The following SAP130 variants were observed in gnomAD, a reference collection of about 807,000 sequenced individuals.
SAP130 encodes histone deacetylase complex subunit SAP130.
SAP130 carries 16 observed loss-of-function variants against 103.2 expected under a neutral mutation model. The observed-to-expected ratio is 0.16, with a 90% CI of 0.10 to 0.24. The LOEUF is 0.24. SAP130 is among the 10% of genes least tolerant of loss of function. The probability of loss-of-function intolerance (pLI) is 1.00; values close to 1 mark genes in which losing one functional copy is unlikely to be tolerated. For synonymous variants in SAP130, 477 were observed against 497.0 expected (o/e 0.96, Z 0.53); for missense variants, 990 against 1,359.7 (o/e 0.73, Z 4.28).
chr2:128,013,154 C>T lies in SAP130; in HGVS notation c.620G>A (p.Gly207Asp). The T allele has an allele frequency of 6.3e-7, 1 of 1,580,726 alleles. No individual in the cohort carries two copies. Among genetic ancestry groups the T allele is most frequent in the Non-Finnish European group, 8.6e-7 (1 of 1,169,122 alleles). Residue 207 changes from glycine (G) to aspartate (D), a missense_variant and splice_region_variant, in exon 6 of 21, where the codon GGT becomes GAT. This residue lies in a region of SAP130 where 336 missense variants were observed against 520.1 expected (regional missense o/e 0.65). Coordinates refer to ENST00000643581, the MANE Select transcript of SAP130 (RefSeq NM_001330301.2). ...GGACATCACAGCAGCAGCAGCTGCA[C>T]CTGAAAAAAAAAAAGTGTTTATTAT... Reference protein sequence around the residue: ...LHIGASHLPRGAAAAAVMSSS... With the variant: ...LHIGASHLPRDAAAAAVMSSS...
In SAP130 at chr2:127,950,266, T is replaced by C. The variant is rs768934992; in HGVS notation, c.2565A>G (p.Glu855=). The part of the protein sequence containing the change: ...PRKQQHVIST[E]EGDMMETNST... ...TGTTTGTCTCCATCATGTCACCTTC[T>C]TCTGTTGAGATCACATGCTGTTGCT... Residue 855 remains glutamate (E), a synonymous_variant, in exon 17 of 21, where the codon GAA becomes GAG. Coordinates refer to ENST00000643581, the MANE Select transcript of SAP130 (RefSeq NM_001330301.2). 6.2e-7 allele frequency: 1 copy of C among 1,614,210 alleles called. No individual in the cohort carries two copies. Among genetic ancestry groups the C allele is most frequent in the South Asian group, 1.1e-5 (1 of 91,084 alleles).
chr2:127,956,573 G>A (rs527576683), intron 15 of SAP130, among the ~76,000 whole-genome samples: 2 of 131,310 alleles, frequency 1.5e-5, no homozygotes, highest in South Asian at 2.9e-4. Context: ...GGGAGGGGGA[G>A]GGACAGCATT....
intron 15 of SAP130, among the ~76,000 whole-genome samples, chr2:127,969,790 T>C (rs1450850670): frequency 1.3e-5 from 2 of 152,182 alleles, no homozygotes; most frequent in African/African-American, 2.4e-5. Flanking sequence ...TAATTTCCCC[T>C]TTTTCTAAGA....
chr2:128,010,304 A>G lies in SAP130; in HGVS notation c.834T>C (p.Thr278=). The change falls in exon 7 of 21, where the codon ACT becomes ACC. Residue 278 remains threonine, a synonymous_variant. Transcript: ENST00000643581. The stretch of plus-strand genomic sequence containing the variant: ...AATCAGTAGCATGCGCCGCTGTCGT[A>G]GTGATGACTGGAGACTGAGCTCTGG... ...SATRAQSPVI[T]TTAAHATDSA... 1 of 1,614,026 alleles carries G rather than the reference A, an allele frequency of 6.2e-7. No homozygotes were observed. Among genetic ancestry groups the G allele is most frequent in the Non-Finnish European group, 8.5e-7 (1 of 1,179,990 alleles).
At position 127,942,421 on chromosome 2, in the gene SAP130, A is replaced by C. The variant is rs369636491; in HGVS notation, c.3015+3T>G. On this transcript the variant is annotated splice_donor_region_variant and intron_variant, in intron 20 of 20. Transcript: ENST00000643581. The surrounding 1 kb of genome is among the most constrained non-coding windows in gnomAD (Gnocchi z 4.8). ...GATCAGAAGGGAAGGGGCGCACTCAAACCTGTATCAGTTCGTTTATTCGGT... is the reference window on the plus strand; with the variant it reads ...GATCAGAAGGGAAGGGGCGCACTCACACCTGTATCAGTTCGTTTATTCGGT... The C allele has an allele frequency of 3.1e-4, 501 of 1,603,430 alleles. 2 individuals are homozygous for C. The highest frequency in any genetic ancestry group is 3.9e-4 in the Non-Finnish European group (452 of 1,170,294).
intron 16 of SAP130, among the ~76,000 whole-genome samples, chr2:127,954,310 A>C (rs1679685179): frequency 6.6e-6 from 1 of 152,224 alleles, no homozygotes; most frequent in African/African-American, 2.4e-5. Context: ...AGGACTTCTC[A>C]CTGAAATAGC....
At chr2:128,020,864 C>T (rs747540165) in intron 2 of SAP130, among the ~76,000 whole-genome samples, 10 of 151,982 alleles carry the variant, frequency 6.6e-5, no homozygotes, top group East Asian at 1.9e-4. Context: ...GGCATGATGG[C>T]GGTTGCCTGT....
At chr2:128,000,239 A>G in intron 8 of SAP130, 68 bp downstream of exon 8, 3 of 1,609,422 alleles carry the variant, frequency 1.9e-6, no homozygotes, top group South Asian at 1.1e-5. Flanking sequence ...CCAGGCCCTC[A>G]GCACATTTTG....
chr2:127,950,138 C>T, intron 17 of SAP130, 22 bp downstream of exon 17: 1 of 1,613,850 alleles, frequency 6.2e-7, no homozygotes, highest in Non-Finnish European at 8.5e-7. Flanking sequence ...CATCATAACA[C>T]AAGTCAGCCT....
Position 128,000,538 on chromosome 2 carries a change from T to C in SAP130, c.870-84A>G, listed in dbSNP as rs1373112484. On this transcript the variant is annotated intron_variant, in intron 7 of 20. Coordinates refer to ENST00000643581, the MANE Select transcript of SAP130 (RefSeq NM_001330301.2). ...GGTTAGTCATGCAAGTTATACTTTTTCATAGGTCTATGAAGTTCGGAGTTA... is the reference window on the plus strand; with the variant it reads ...GGTTAGTCATGCAAGTTATACTTTTCCATAGGTCTATGAAGTTCGGAGTTA... 5 of 1,510,478 alleles carry C rather than the reference T, an allele frequency of 3.3e-6. No individual in the cohort carries two copies. The Admixed American group carries it at 5.5e-5, about 17-fold the overall frequency. 93.6% of individuals were successfully genotyped at this position (1,510,478 alleles called of 1,614,324 possible). A position where few individuals can be genotyped will look rare whatever the true frequency, so the allele number is the denominator to read the frequency against.
chr2:127,965,108 A>G (rs564711687), intron 15 of SAP130, among the ~76,000 whole-genome samples: 1 of 152,142 alleles, frequency 6.6e-6, no homozygotes, highest in Non-Finnish European at 1.5e-5. Flanking sequence ...CATCCTGGCC[A>G]ACATGGTAAA....
chr2:127,993,376 C>A, intron 11 of SAP130, 68 bp from the exon 12 acceptor site: 1 of 1,489,848 alleles, frequency 6.7e-7, no homozygotes, highest in Non-Finnish European at 9.0e-7. Flanking sequence ...TGATCCTATA[C>A]CCCAGTTCCT....
intron 18 of SAP130, among the ~76,000 whole-genome samples, chr2:127,948,857 C>T (rs1284342098): frequency 6.6e-6 from 1 of 152,140 alleles, no homozygotes. Flanking sequence ...TCCCAATAAG[C>T]ATTTAGACTC....
chr2:128,014,308 T>C (rs1476674363), intron 5 of SAP130, among the ~76,000 whole-genome samples: 1 of 152,020 alleles, frequency 6.6e-6, no homozygotes, highest in African/African-American at 2.4e-5. Flanking sequence ...CATTTCAACC[T>C]CTGCCTCCCG....
intron 14 of SAP130, among the ~76,000 whole-genome samples, chr2:127,981,156 A>C (rs1573728029): frequency 6.8e-6 from 1 of 147,902 alleles, no homozygotes. Context: ...CCCCCACCCC[A>C]CCCTTCACTG....
chr2:127,983,642 G>A (rs1390766377), intron 14 of SAP130, among the ~76,000 whole-genome samples: 1 of 152,128 alleles, frequency 6.6e-6, no homozygotes, highest in East Asian at 1.9e-4. Flanking sequence ...GAATTAGAGG[G>A]CACAGTACAA....
chr2:128,012,107 G>A (rs1025688892), intron 6 of SAP130, among the ~76,000 whole-genome samples: 3 of 152,144 alleles, frequency 2.0e-5, no homozygotes, highest in Non-Finnish European at 2.9e-5. Context: ...GAGCCACTGC[G>A]CCTGGCCTAA....
chr2:127,993,072 GA>G, intron 12 of SAP130, 114 bp downstream of exon 12: 1 of 1,295,230 alleles, frequency 7.7e-7, no homozygotes, highest in Non-Finnish European at 1.1e-6. Context: ...ATCTGAATCT[GA>G]AAACAGAAGC....
Position 127,986,843 on chromosome 2 carries a change from G to T in SAP130, c.1900C>A (p.Pro634Thr). The T allele has an allele frequency of 6.2e-7, 1 of 1,614,238 alleles. No individual in the cohort carries two copies. The highest frequency in any genetic ancestry group is 8.5e-7 in the Non-Finnish European group (1 of 1,180,048). Residue 634 changes from proline (P) to threonine (T), a missense_variant, in exon 14 of 21, where the codon CCC (proline) becomes ACC (threonine). By Grantham distance (38) the Pro-to-Thr change is conservative. Around this residue, in one of 6 missense-constraint regions of SAP130, gnomAD observed 349 missense variants for 384.1 expected, o/e 0.91. Transcript: ENST00000643581. This position sits in a 1 kb window ranked among gnomAD's most constrained non-coding sequence, Gnocchi z 4.7. Reference protein sequence around the residue: ...THSQSASTNAPAQGSSPRPSI... With the variant: ...THSQSASTNATAQGSSPRPSI... ...GGCCGTGGCGATGAGCCCTGGGCGG[G>T]AGCGTTGGTGCTAGCACTCTGGCTG...
Sources: allele counts gnomAD v4.1 joint callset (sites outside exome capture counted in the v4.1 genomes callset), GRCh38; gene constraint gnomAD v4.1.1; regional missense constraint gnomAD v4.1.1; non-coding constraint Gnocchi (gnomAD v3.1); transcripts MANE v1.5; gene names NCBI Gene and HGNC (gene_info 2026-07-23, HGNC 2026-07-21).